The following ZBTB43 variants were observed in gnomAD, a reference collection of about 807,000 sequenced individuals.
ZBTB43 encodes zinc finger and BTB domain-containing protein 43.
ZBTB43 carries 6 observed loss-of-function variants against 31.1 expected under a neutral mutation model. That is an observed-to-expected ratio of 0.19 (90% CI 0.11 to 0.38). ZBTB43 has a LOEUF of 0.38. ZBTB43 is among the 10% of genes least tolerant of loss of function. The pLI, the probability that ZBTB43 is intolerant of heterozygous loss-of-function variation, is 1.00. For synonymous variants in ZBTB43, 212 were observed against 221.7 expected, an observed-to-expected ratio of 0.96 and a Z score of 0.39; for missense variants, 379 against 602.1, an observed-to-expected ratio of 0.63 and a Z score of 3.88.
In ZBTB43 at chr9:126,833,225, C is replaced by T. The variant is rs766135175; in HGVS notation, c.716C>T (p.Ala239Val). 5.0e-6 allele frequency: 8 copies of T among 1,613,650 alleles called. No homozygotes were observed. In the East Asian group the frequency reaches 1.6e-4, roughly 31 times the overall value. Residue 239 changes from alanine (A) to valine (V), a missense_variant, in exon 3 of 3, where the codon GCT (alanine) becomes GTT (valine). By Grantham distance (64) the Ala-to-Val change is moderately conservative (BLOSUM62 0). Around this residue, in one of 5 missense-constraint regions of ZBTB43, gnomAD observed 253 missense variants for 322.3 expected, o/e 0.79. Transcript: ENST00000373464. This position sits in a 1 kb window ranked among gnomAD's most constrained non-coding sequence, Gnocchi z 7.9. ...RPMYSKPSIM[A>V]HKRWIHVKPE... ...ATGTACAGCAAGCCCAGCATCATGG[C>T]TCACAAACGCTGGATCCACGTGAAG...
upstream of ZBTB43, among the ~76,000 whole-genome samples, chr9:126,804,194 G>A (rs1178266096): frequency 1.3e-5 from 2 of 152,144 alleles, no homozygotes; most frequent in African/African-American, 4.8e-5. Flanking sequence ...AGAAAGGGGC[G>A]AGAAGAGGTA....
chr9:126,833,842 C>T lies in ZBTB43; in HGVS notation c.1333C>T (p.Arg445Trp). 6.2e-7 allele frequency: 1 copy of T among 1,601,814 alleles called. No homozygotes were observed. The highest frequency in any genetic ancestry group is 8.5e-7 in the Non-Finnish European group (1 of 1,169,810). The change falls in exon 3 of 3, where the codon CGG becomes TGG. Residue 445 changes from arginine (R) to tryptophan (W), a missense_variant. By Grantham distance (101) the Arg-to-Trp change is moderately radical (BLOSUM62 -3). This residue lies in a region of ZBTB43 where 23 missense variants were observed against 105.1 expected (regional missense o/e 0.22). Coordinates refer to ENST00000373464, the MANE Select transcript of ZBTB43 (RefSeq NM_014007.4). The surrounding 1 kb of genome is among the most constrained non-coding windows in gnomAD (Gnocchi z 7.9). ...KRFMWRDSFH[R>W]HVTSCTKSYE... is the part of the protein sequence containing the mutation. ...GTTTATGTGGAGGGACAGTTTCCAC[C>T]GGCATGTGACTTCTTGTACTAAGTC...
At chr9:126,812,903 T>C (rs1309244353) in intron 2 of ZBTB43, among the ~76,000 whole-genome samples, 1 of 152,194 alleles carries the variant, frequency 6.6e-6, no homozygotes, top group Non-Finnish European at 1.5e-5. Flanking sequence ...TACCTTGTAC[T>C]ACTGCTGTAT....
chr9:126,824,992 T>G (rs1312045370), intron 2 of ZBTB43, among the ~76,000 whole-genome samples: 1 of 152,248 alleles, frequency 6.6e-6, no homozygotes, highest in African/African-American at 2.4e-5. Context: ...TCACCTAGGC[T>G]GGAGTATAGT....
At chr9:126,804,391 T>TTGGAGATAATCTCCGCCAG, upstream of ZBTB43, among the ~76,000 whole-genome samples, 1 of 152,216 alleles carries the variant, frequency 6.6e-6, no homozygotes, top group South Asian at 2.1e-4. Context: ...AGAAACGGAT[T>TTGGAGATAATCTCCGCCAG]TGGAGATAAT....
intron 2 of ZBTB43, among the ~76,000 whole-genome samples, chr9:126,829,489 C>A (rs1215301400): frequency 6.6e-6 from 1 of 152,060 alleles, no homozygotes; most frequent in Admixed American, 6.6e-5. Flanking sequence ...TCTTTTTGTG[C>A]TAATGTGGGA....
chr9:126,833,105 C>G lies in ZBTB43; in HGVS notation c.596C>G (p.Ser199Trp). Residue 199 changes from serine (S) to tryptophan (W), a missense_variant, in exon 3 of 3, where the codon TCG becomes TGG. Transcript: ENST00000373464. This position sits in a 1 kb window ranked among gnomAD's most constrained non-coding sequence, Gnocchi z 7.9. ...LTEHEYLPSN[S>W]STEHDRLSTE... The stretch of plus-strand genomic sequence containing the variant: ...GAGCACGAATACCTGCCCAGCAACT[C>G]GTCCACAGAGCATGACCGCCTGAGC... 6.2e-7 allele frequency: 1 copy of G among 1,614,112 alleles called. No homozygotes were observed. Among genetic ancestry groups the G allele is most frequent in the East Asian group, 2.2e-5 (1 of 44,882 alleles).
intron 2 of ZBTB43, among the ~76,000 whole-genome samples, chr9:126,822,712 C>T (rs2032542637): frequency 6.6e-6 from 1 of 152,132 alleles, no homozygotes; most frequent in African/African-American, 2.4e-5. Flanking sequence ...TGCATTTCAT[C>T]CTGGGCAGCA....
At chr9:126,816,285 T>C (rs2032384370) in intron 2 of ZBTB43, among the ~76,000 whole-genome samples, 1 of 150,976 alleles carries the variant, frequency 6.6e-6, no homozygotes, top group Non-Finnish European at 1.5e-5. Context: ...ATCGATTCCA[T>C]TTTTTTACTG....
Position 126,832,988 on chromosome 9 carries a change from G to A in ZBTB43, c.479G>A (p.Gly160Glu). The change falls in exon 3 of 3, where the codon GGG becomes GAG. Residue 160 changes from glycine to glutamate, a missense_variant. Gly to Glu is a moderately conservative substitution (Grantham distance 98). This residue lies in a region of ZBTB43 where 253 missense variants were observed against 322.3 expected (regional missense o/e 0.79). Transcript: ENST00000373464. ...GTAGAGAGCTTTGAGCTGGGCTCTG[G>A]GGGTCATACTGATTTTCCCAAAGCC... is the stretch of plus-strand genomic sequence containing the variant. The part of the protein sequence containing the change: ...GLVESFELGS[G>E]GHTDFPKAQE... The A allele has an allele frequency of 3.1e-6, 5 of 1,613,736 alleles. No homozygotes were observed. Among genetic ancestry groups the A allele is most frequent in the Non-Finnish European group, 3.4e-6 (4 of 1,179,994 alleles).
intron 2 of ZBTB43, among the ~76,000 whole-genome samples, chr9:126,822,774 C>T (rs920196793): frequency 2.0e-5 from 3 of 152,076 alleles, no homozygotes; most frequent in Non-Finnish European, 2.9e-5. Context: ...ATTGCTACAG[C>T]CACCCTACCG....
At chr9:126,819,414 T>C (rs1420456884) in intron 2 of ZBTB43, among the ~76,000 whole-genome samples, 1 of 152,040 alleles carries the variant, frequency 6.6e-6, no homozygotes, top group Non-Finnish European at 1.5e-5. Flanking sequence ...TCTTGCAATA[T>C]TTCAAAACTT....
intron 2 of ZBTB43, among the ~76,000 whole-genome samples, chr9:126,816,585 T>C (rs1299022494): frequency 6.6e-6 from 1 of 152,224 alleles, no homozygotes; most frequent in Non-Finnish European, 1.5e-5. Context: ...AGGGAAACAT[T>C]CTGTTCAGGT....
At chr9:126,825,842 ATTTTT>A (rs72512629) in intron 2 of ZBTB43, among the ~76,000 whole-genome samples, 1 of 91,198 alleles carries the variant, frequency 1.1e-5, no homozygotes, top group African/African-American at 3.8e-5. Flanking sequence ...TCCTTTTTAT[ATTTTT>A]TTTTTTTTTT....
At chr9:126,821,169 A>G (rs1162342917) in intron 2 of ZBTB43, among the ~76,000 whole-genome samples, 1 of 151,734 alleles carries the variant, frequency 6.6e-6, no homozygotes, top group Admixed American at 6.6e-5. Flanking sequence ...AGGAGTTTGA[A>G]ACCAGCCTAG....
chr9:126,833,844 G>A lies in ZBTB43; in HGVS notation c.1335G>A (p.Arg445=), dbSNP rs371678784. 2.5e-6 allele frequency: 4 copies of A among 1,601,962 alleles called. No individual in the cohort carries two copies. In the African/African-American group the frequency reaches 4.0e-5, roughly 16 times the overall value. ...KRFMWRDSFH[R]HVTSCTKSYE... ...TTATGTGGAGGGACAGTTTCCACCG[G>A]CATGTGACTTCTTGTACTAAGTCCT... The change falls in exon 3 of 3, where the codon CGG becomes CGA. Residue 445 remains arginine (R), a synonymous_variant. Transcript: ENST00000373464. This position sits in a 1 kb window ranked among gnomAD's most constrained non-coding sequence, Gnocchi z 7.9.
chr9:126,823,056 G>A (rs374310260), intron 2 of ZBTB43, among the ~76,000 whole-genome samples: 5 of 152,000 alleles, frequency 3.3e-5, no homozygotes, highest in South Asian at 2.1e-4. Context: ...ATTTTATTGC[G>A]GTGTTCTTGA....
In ZBTB43 at chr9:126,811,868, C is replaced by G. The variant is rs566390398; in HGVS notation, c.-24+2953C>G. 4.9e-4 allele frequency among the ~76,000 whole-genome samples: 75 copies of G among 152,334 alleles called. 2 individuals are homozygous for G. The East Asian group carries it at 0.012, about 23-fold the overall frequency. ...CTCGAACTCCCGACCTTGTGATCCA[C>G]CCACCTCGGCCTCCCGAAGTGCTGG... is the stretch of plus-strand genomic sequence containing the variant. On this transcript the variant is annotated intron_variant, in intron 2 of 2. Transcript: ENST00000373464.
rs564427453 is a variant in ZBTB43 at position 126,808,482 on chromosome 9, A to G, written c.-146-311A>G. ...TTCCAAAGGATATATTAATTCTGCA[A>G]AATTACATAGTCATTGACCATGTTT... is the stretch of plus-strand genomic sequence containing the variant. On this transcript the variant is annotated intron_variant, in intron 1 of 2. Transcript: ENST00000373464. Among the ~76,000 whole-genome samples the G allele has an allele frequency of 4.6e-5, 7 of 152,372 alleles. No individual in the cohort carries two copies. The South Asian group carries it at 1.2e-3, about 27-fold the overall frequency.
Sources: allele counts gnomAD v4.1 joint callset (sites outside exome capture counted in the v4.1 genomes callset), GRCh38; gene constraint gnomAD v4.1.1; regional missense constraint gnomAD v4.1.1; non-coding constraint Gnocchi (gnomAD v3.1); transcripts MANE v1.5; gene names NCBI Gene and HGNC (gene_info 2026-07-23, HGNC 2026-07-21).